Variants in KMT2D observed in about 807,000 individuals in gnomAD.
The protein encoded by KMT2D is lysine methyltransferase 2D.
In KMT2D, 55 loss-of-function variants were observed where a neutral mutation model predicts 512.7. The ratio of observed to expected loss-of-function variants is 0.11; its 90% CI spans 0.09 to 0.13. The LOEUF (loss-of-function observed/expected upper bound fraction) is 0.13. Ranked by LOEUF, KMT2D falls within the 10% of genes least tolerant of loss-of-function variation. The probability of loss-of-function intolerance (pLI) is 1.00; values close to 1 mark genes in which losing one functional copy is unlikely to be tolerated. For missense variants in KMT2D, 6,061 were observed against 7,127.9 expected, an observed-to-expected ratio of 0.85 and a Z score of 5.39; for synonymous variants, 2,995 against 2,904.0, an observed-to-expected ratio of 1.03 and a Z score of -1.01.
At chr12:49,049,533 C>A in intron 12 of KMT2D, 149 bp downstream of exon 12, 1 of 859,324 alleles carries the variant, frequency 1.2e-6, no homozygotes, top group Non-Finnish European at 1.7e-6. Context: ...GTCCCTTCTA[C>A]GTATTAGTAT....
rs146854102 is a variant in KMT2D, at chr12:49,048,624, C to T, written c.4131+35G>A. The T allele has an allele frequency of 2.3e-4, 319 of 1,378,704 alleles. 3 individuals carry two copies. The East Asian group carries it at 5.2e-3, about 23-fold the overall frequency. 85.4% of individuals were successfully genotyped at this position (1,378,704 alleles called of 1,614,324 possible). A position where few individuals can be genotyped will look rare whatever the true frequency, so the allele number is the denominator to read the frequency against. On this transcript the variant is annotated intron_variant, in intron 14 of 54. Transcript: ENST00000301067. The stretch of plus-strand genomic sequence containing the variant: ...TCCTCTCACCAAACACACACATACA[C>T]AATGTTCAGTGTGCCAGGTCTCACT...
rs1246961806 is a variant in KMT2D at position 49,048,717 on chromosome 12, T to C, written c.4073A>G (p.Asp1358Gly). The C allele has an allele frequency of 6.2e-7, 1 of 1,613,392 alleles. No homozygotes were observed. The highest frequency in any genetic ancestry group is 8.5e-7 in the Non-Finnish European group (1 of 1,179,420). ...GAGAACCACGGTATTCTGCATGGTG[T>C]CATCATCTTCTTCCTCCTCCTCCTT... ...PSKEEEEEDD[D>G]TMQNTVVLFS... is the part of the protein sequence containing the mutation. The change falls in exon 14 of 55, where the codon GAC becomes GGC. Residue 1358 changes from aspartate (D) to glycine (G), a missense_variant. Asp to Gly is a moderately conservative substitution (Grantham distance 94). Around this residue, in one of 16 missense-constraint regions of KMT2D, gnomAD observed 447 missense variants for 500.1 expected, o/e 0.89. Transcript: ENST00000301067.
At position 49,031,689 on chromosome 12, in the gene KMT2D, G is replaced by A. The variant is rs745754200; in HGVS notation, c.13016C>T (p.Thr4339Ile). The change falls in exon 40 of 55, where the codon ACC (threonine) becomes ATC (isoleucine). Residue 4339 changes from threonine (T) to isoleucine (I), a missense_variant. Around this residue, in one of 16 missense-constraint regions of KMT2D, gnomAD observed 1,600 missense variants for 1,754.9 expected, o/e 0.91. Transcript: ENST00000301067. ...CTGAGGTTTGGGGGTCCCTGGATGG[G>A]TGGGAGGGAGCTGGGCCTCAGTGGG... is the stretch of plus-strand genomic sequence containing the variant. ...QLPTEAQLPPTHPGTPKPQGP... is the reference protein window; with the variant it reads ...QLPTEAQLPPIHPGTPKPQGP... 2 of 1,612,230 alleles carry A rather than the reference G, an allele frequency of 1.2e-6. No individual in the cohort carries two copies. Among genetic ancestry groups the A allele is most frequent in the South Asian group, 1.1e-5 (1 of 90,638 alleles).
Position 49,040,738 on chromosome 12 carries a change from G to A in KMT2D, c.7032C>T (p.Gly2344=). 4 of 1,613,576 alleles carry A rather than the reference G, an allele frequency of 2.5e-6. No individual in the cohort carries two copies. Among genetic ancestry groups the A allele is most frequent in the Non-Finnish European group, 3.4e-6 (4 of 1,179,734 alleles). Residue 2344 remains glycine, a synonymous_variant, in exon 32 of 55, where the codon GGC becomes GGT. Transcript: ENST00000301067. The part of the protein sequence containing the change: ...RASQVEPQSP[G]LGLRPQEPPP... ...GTGGCTCCTGGGGCCTTAGGCCCAAGCCCGGGCTCTGGGGCTCTACCTGAG... is the reference window on the plus strand; with the variant it reads ...GTGGCTCCTGGGGCCTTAGGCCCAAACCCGGGCTCTGGGGCTCTACCTGAG...
chr12:49,049,087 T>G lies in KMT2D; in HGVS notation c.4020+18A>C, dbSNP rs746143730. 6.7e-6 allele frequency: 10 copies of G among 1,482,276 alleles called. No homozygotes were observed. In the South Asian group the frequency reaches 1.2e-4, roughly 17 times the overall value. The allele number at this position is 1,482,276 out of a possible 1,614,324, so 91.8% of individuals were successfully genotyped here. ...AAGCATGGTTGGGGGATGGGAGGAA[T>G]AGGAGGCATCTCCTTACTACCAGAG... On this transcript the variant is annotated intron_variant, in intron 13 of 54. Transcript: ENST00000301067.
intron 51 of KMT2D, among the ~76,000 whole-genome samples, chr12:49,023,118 G>A (rs373616527): frequency 2.0e-5 from 3 of 152,196 alleles, no homozygotes; most frequent in East Asian, 3.9e-4. Context: ...CAGGGTGAGG[G>A]GTGGGGTGTG....
rs1398059358 is a variant in KMT2D, at chr12:49,032,327, C to T, written c.12378G>A (p.Glu4126=). The part of the protein sequence containing the change: ...HGQLGSGSSS[E]ASSVPHLLAQ... ...CCAGCAGGTGGGGCACAGATGAGGCCTCAGAAGATGATCCACTGCCTAGCT... is the reference window on the plus strand; with the variant it reads ...CCAGCAGGTGGGGCACAGATGAGGCTTCAGAAGATGATCCACTGCCTAGCT... The change falls in exon 40 of 55, where the codon GAG becomes GAA. Residue 4126 remains glutamate (E), a synonymous_variant. Transcript: ENST00000301067. 6.2e-7 allele frequency: 1 copy of T among 1,613,816 alleles called. No homozygotes were observed. The highest frequency in any genetic ancestry group is 8.5e-7 in the Non-Finnish European group (1 of 1,179,786).
Position 49,031,247 on chromosome 12 carries a change from C to T in KMT2D, c.13458G>A (p.Glu4486=), listed in dbSNP as rs758671900. 3 of 1,613,022 alleles carry T rather than the reference C, an allele frequency of 1.9e-6. No individual in the cohort carries two copies. The highest frequency in any genetic ancestry group is 2.7e-5 in the African/African-American group (2 of 74,934). The change falls in exon 40 of 55, where the codon GAG becomes GAA. Residue 4486 remains glutamate (E), a synonymous_variant. Coordinates refer to ENST00000301067, the MANE Select transcript of KMT2D (RefSeq NM_003482.4). ...TGRGSEGLRA[E]INGHIDSKLA... ...GCTTGCTGTCAATGTGCCCGTTGAT[C>T]TCAGCTCGCAGCCCCTCGGACCCCC...
intron 14 of KMT2D, 118 bp downstream of exon 14, chr12:49,048,541 C>A: frequency 1.5e-6 from 1 of 674,136 alleles, no homozygotes; most frequent in South Asian, 1.9e-5. Flanking sequence ...GATTAGAATT[C>A]ATGGTCTGTT....
At position 49,038,609 on chromosome 12, in the gene KMT2D, A is replaced by G. The variant is rs781113013; in HGVS notation, c.8747T>C (p.Leu2916Pro). The G allele has an allele frequency of 6.2e-7, 1 of 1,612,902 alleles. No individual in the cohort carries two copies. The change falls in exon 35 of 55, where the codon CTG (leucine) becomes CCG (proline). Residue 2916 changes from leucine to proline, a missense_variant. Leu to Pro is a moderately conservative substitution (Grantham distance 98). Transcript: ENST00000301067. The surrounding 1 kb of genome is among the most constrained non-coding windows in gnomAD (Gnocchi z 5.7). ...CAGGCCCCGAAGCCCTTCAGGAGCC[A>G]GTCGGTGGGGGTCCTCACTTACAGG... ...FYPVSEDPHRLAPEGLRGLAV... is the reference protein window; with the variant it reads ...FYPVSEDPHRPAPEGLRGLAV...
rs1181954085 is a variant in KMT2D, at chr12:49,054,410, C to G, written c.407G>C (p.Cys136Ser). ...PAHLGEPGGS[C>S]WAHHWCAAWS... ...TGCAGCACACCAATGGTGAGCCCAG[C>G]AGGACCCTTTACAGGTGGGAAGAGG... Residue 136 changes from cysteine to serine, a missense_variant, in exon 5 of 55, where the codon TGC becomes TCC. By Grantham distance (112) the Cys-to-Ser change is moderately radical. This residue lies in a region of KMT2D where 9 missense variants were observed against 31.6 expected (regional missense o/e 0.29). Coordinates refer to ENST00000301067, the MANE Select transcript of KMT2D (RefSeq NM_003482.4). This position sits in a 1 kb window ranked among gnomAD's most constrained non-coding sequence, Gnocchi z 6.4. The G allele has an allele frequency of 6.3e-7, 1 of 1,585,852 alleles. No individual in the cohort carries two copies. Among genetic ancestry groups the G allele is most frequent in the African/African-American group, 1.3e-5 (1 of 74,262 alleles).
Position 49,041,988 on chromosome 12 carries a change from A to C in KMT2D, c.6112T>G (p.Trp2038Gly). Reference protein sequence around the residue: ...FPNLKQDYPDWSSRCKQIMKL... With the variant: ...FPNLKQDYPDGSSRCKQIMKL... ...ATGATTTGTTTGCAACGGCTTGACC[A>C]GTCTGGAGGGCAGAGAGAGTGAGTC... Residue 2038 changes from tryptophan to glycine, a missense_variant and splice_region_variant, in exon 30 of 55, where the codon TGG becomes GGG. Around this residue, in one of 16 missense-constraint regions of KMT2D, gnomAD observed 640 missense variants for 814.3 expected, o/e 0.79. Transcript: ENST00000301067. This position sits in a 1 kb window ranked among gnomAD's most constrained non-coding sequence, Gnocchi z 5.4. 1.2e-6 allele frequency: 2 copies of C among 1,612,322 alleles called. No homozygotes were observed. The highest frequency in any genetic ancestry group is 1.7e-6 in the Non-Finnish European group (2 of 1,179,252).
At position 49,033,939 on chromosome 12, in the gene KMT2D, G is replaced by A; in HGVS notation, c.10766C>T (p.Thr3589Ile). 6.5e-7 allele frequency: 1 copy of A among 1,533,420 alleles called. No individual in the cohort carries two copies. The highest frequency in any genetic ancestry group is 8.8e-7 in the Non-Finnish European group (1 of 1,139,712). 95.0% of individuals were successfully genotyped at this position (1,533,420 alleles called of 1,614,324 possible). ...GTTCCGATATTCTGCCATGAGATTA[G>A]TGTGCTCCTTCTGCTGTTTCCGGAC... ...DQVRKQQKEH[T>I]NLMAEYRNKQ... Residue 3589 changes from threonine (T) to isoleucine (I), a missense_variant, in exon 40 of 55, where the codon ACT (threonine) becomes ATT (isoleucine). Physicochemically the swap from Thr to Ile is moderately conservative, Grantham distance 89. Transcript: ENST00000301067.
In KMT2D at chr12:49,051,234, G is replaced by C. The variant is rs2120665942; in HGVS notation, c.2449C>G (p.Pro817Ala). The C allele has an allele frequency of 5.2e-6, 8 of 1,527,516 alleles. No homozygotes were observed. The highest frequency in any genetic ancestry group is 7.1e-6 in the Non-Finnish European group (8 of 1,134,660). The allele number at this position is 1,527,516 out of a possible 1,614,324, so 94.6% of individuals were successfully genotyped here. A position where few individuals can be genotyped will look rare whatever the true frequency, so the allele number is the denominator to read the frequency against. ...GACAAGCATGGCTCCTCAGGCACAG[G>C]AGACAGGTGCGGCTCCTCAGTCTGG... is the stretch of plus-strand genomic sequence containing the variant. ...SPQTEEPHLS[P>A]VPEEPCLSPQ... Residue 817 changes from proline (P) to alanine (A), a missense_variant, in exon 11 of 55, where the codon CCT (proline) becomes GCT (alanine). Around this residue, in one of 16 missense-constraint regions of KMT2D, gnomAD observed 848 missense variants for 838.5 expected, o/e 1.01. Coordinates refer to ENST00000301067, the MANE Select transcript of KMT2D (RefSeq NM_003482.4).
Position 49,033,079 on chromosome 12 carries a change from G to A in KMT2D, c.11626C>T (p.Leu3876Phe). Residue 3876 changes from leucine to phenylalanine, a missense_variant, in exon 40 of 55, where the codon CTT becomes TTT. Around this residue, in one of 16 missense-constraint regions of KMT2D, gnomAD observed 1,600 missense variants for 1,754.9 expected, o/e 0.91. Transcript: ENST00000301067. ...QQGSMAGLSH[L>F]QQSLMSHSGQ... ...CTGTGTGACATCAGACTCTGCTGAA[G>A]ATGGGACAGCCCTGCCATGGACCCT... 6.4e-7 allele frequency: 1 copy of A among 1,551,694 alleles called. No individual in the cohort carries two copies. Among genetic ancestry groups the A allele is most frequent in the Non-Finnish European group, 8.7e-7 (1 of 1,146,988 alleles).
chr12:49,047,739 T>C (rs532580566), intron 15 of KMT2D, among the ~76,000 whole-genome samples: 1 of 152,108 alleles, frequency 6.6e-6, no homozygotes, highest in Non-Finnish European at 1.5e-5. Context: ...TTTTTTACGA[T>C]GGACTGAATT....
At position 49,046,257 on chromosome 12, in the gene KMT2D, C is replaced by T. The variant is rs1361575739; in HGVS notation, c.4583+3G>A. 1.2e-6 allele frequency: 2 copies of T among 1,613,852 alleles called. No individual in the cohort carries two copies. The highest frequency in any genetic ancestry group is 1.7e-6 in the Non-Finnish European group (2 of 1,179,888). ...CAAAGTGAGGAGAAAGGGATGTTCTCACCGTTCACAGTGGCGGCACTGGAT... is the reference window on the plus strand; with the variant it reads ...CAAAGTGAGGAGAAAGGGATGTTCTTACCGTTCACAGTGGCGGCACTGGAT... On this transcript the variant is annotated splice_donor_region_variant and intron_variant, in intron 17 of 54. Coordinates refer to ENST00000301067, the MANE Select transcript of KMT2D (RefSeq NM_003482.4). The surrounding 1 kb of genome is among the most constrained non-coding windows in gnomAD (Gnocchi z 4.2).
rs1943314097 is a variant in KMT2D at position 49,038,072 on chromosome 12, C to A, written c.9284G>T (p.Gly3095Val). The A allele has an allele frequency of 3.7e-6, 6 of 1,613,412 alleles. No individual in the cohort carries two copies. The highest frequency in any genetic ancestry group is 5.1e-6 in the Non-Finnish European group (6 of 1,179,742). ...LLRGVEPGPL[G>V]PEERPPPAAD... The stretch of plus-strand genomic sequence containing the variant: ...AGCAGGGGGAGGGCGCTCCTCAGGG[C>A]CCAAGGGTCCTGGCTCCACCCCCCG... The change falls in exon 35 of 55, where the codon GGC becomes GTC. Residue 3095 changes from glycine (G) to valine (V), a missense_variant. By Grantham distance (109) the Gly-to-Val change is moderately radical (BLOSUM62 -3). Coordinates refer to ENST00000301067, the MANE Select transcript of KMT2D (RefSeq NM_003482.4). This position sits in a 1 kb window ranked among gnomAD's most constrained non-coding sequence, Gnocchi z 5.7.
chr12:49,032,396 C>T lies in KMT2D; in HGVS notation c.12309G>A (p.Gln4103=). The change falls in exon 40 of 55, where the codon CAG becomes CAA. Residue 4103 remains glutamine (Q), a synonymous_variant. Transcript: ENST00000301067. ...CTGCTGTGTGGAGCAGGCTAACTTG[C>T]TGCTGCTGTTGTCCTGGAAGCCTCA... ...PPLRLPGQQQ[Q]QVSLLHTAGG... is the part of the protein sequence containing the mutation. 2 of 1,603,622 alleles carry T rather than the reference C, an allele frequency of 1.2e-6. No homozygotes were observed. The highest frequency in any genetic ancestry group is 1.7e-6 in the Non-Finnish European group (2 of 1,175,178).
Sources: gnomAD v4.1 joint callset for allele counts (sites outside exome capture counted in the v4.1 genomes callset) on GRCh38, gnomAD v4.1.1 for gene constraint, gnomAD v4.1.1 regional missense constraint, Gnocchi (gnomAD v3.1) non-coding constraint, MANE v1.5 for transcripts, NCBI Gene and HGNC (gene_info 2026-07-23, HGNC 2026-07-21) for gene names.